BBX: variants seen among roughly 807,000 people sequenced by gnomAD.
BBX encodes the protein BBX high mobility group box domain containing, also known as HMG box transcription factor BBX.
A neutral mutation model predicts 100.2 loss-of-function variants in BBX; 30 were observed. The observed-to-expected ratio is 0.30, with a 90% CI of 0.22 to 0.41. The LOEUF (loss-of-function observed/expected upper bound fraction) is 0.41. Ranked by LOEUF, BBX falls within the 10% of genes least tolerant of loss-of-function variation. The pLI, the probability that BBX is intolerant of heterozygous loss-of-function variation, is 1.00. For synonymous variants in BBX, 376 were observed against 388.1 expected (o/e 0.97, Z 0.37); for missense variants, 1,023 against 1,129.8 (o/e 0.91, Z 1.35).
rs144831092 is a variant in BBX at position 107,773,380 on chromosome 3, A to G, written c.1659A>G (p.Pro553=). ...ACACCACCAAAGAGTCAAGACCTCCAGATTTCATTAGTATTTCTGCTAGCA... is the reference window on the plus strand; with the variant it reads ...ACACCACCAAAGAGTCAAGACCTCCGGATTTCATTAGTATTTCTGCTAGCA... ...SSDTTKESRP[P]DFISISASKN... is the part of the protein sequence containing the mutation. Residue 553 remains proline, a synonymous_variant, in exon 11 of 18, where the codon CCA becomes CCG. Coordinates refer to ENST00000325805, the MANE Select transcript of BBX (RefSeq NM_001142568.3). This position sits in a 1 kb window ranked among gnomAD's most constrained non-coding sequence, Gnocchi z 4.1. 1.2e-6 allele frequency: 2 copies of G among 1,614,042 alleles called. No homozygotes were observed. Among genetic ancestry groups the G allele is most frequent in the Non-Finnish European group, 1.7e-6 (2 of 1,180,010 alleles).
At position 107,728,772 on chromosome 3, in the gene BBX, A is replaced by G. The variant is rs1358166765; in HGVS notation, c.413A>G (p.Asp138Gly). 3.7e-6 allele frequency: 6 copies of G among 1,612,312 alleles called. No homozygotes were observed. The highest frequency in any genetic ancestry group is 5.1e-6 in the Non-Finnish European group (6 of 1,179,066). Reference sequence around the variant, plus strand: ...CTGTCGTTTTATTTATAGTATAAGGATGCATTTATGAAAGCAAATCCTGGC... The same window carrying G: ...CTGTCGTTTTATTTATAGTATAAGGGTGCATTTATGAAAGCAAATCCTGGC... ...KYTDMAKEYK[D>G]AFMKANPGYK... Residue 138 changes from aspartate to glycine, a missense_variant, in exon 6 of 18, where the codon GAT becomes GGT. Coordinates refer to ENST00000325805, the MANE Select transcript of BBX (RefSeq NM_001142568.3).
Position 107,716,640 on chromosome 3 carries a change from G to A in BBX, c.196G>A (p.Asp66Asn). ...QLLGADGLEQ[D>N]VGETEDDESP... ...TCTTGGGGCCGATGGCCTAGAGCAA[G>A]ATGTTGGTGAAACTGAAGATGATGA... Residue 66 changes from aspartate (D) to asparagine (N), a missense_variant, in exon 5 of 18, where the codon GAT becomes AAT. Transcript: ENST00000325805. 6.2e-7 allele frequency: 1 copy of A among 1,613,800 alleles called. No homozygotes were observed. Among genetic ancestry groups the A allele is most frequent in the Non-Finnish European group, 8.5e-7 (1 of 1,179,774 alleles).
chr3:107,641,296 G>T (rs1282762083), intron 2 of BBX, among the ~76,000 whole-genome samples: 1 of 152,024 alleles, frequency 6.6e-6, no homozygotes, highest in Non-Finnish European at 1.5e-5. Context: ...TGATGCCTGG[G>T]CTGGTTTTGA....
chr3:107,686,725 A>G (rs981167128), intron 3 of BBX, among the ~76,000 whole-genome samples: 2 of 152,176 alleles, frequency 1.3e-5, no homozygotes, highest in Admixed American at 1.3e-4. Context: ...GAGGAGGCCC[A>G]CAATTTAAAG....
intron 3 of BBX, among the ~76,000 whole-genome samples, chr3:107,689,032 A>G (rs2060002446): frequency 6.6e-6 from 1 of 152,206 alleles, no homozygotes; most frequent in South Asian, 2.1e-4. Context: ...GCAGACAACG[A>G]CAGGTTTTCC....
chr3:107,710,640 C>G lies in BBX; in HGVS notation c.162+18C>G. On this transcript the variant is annotated intron_variant, in intron 4 of 17. Coordinates refer to ENST00000325805, the MANE Select transcript of BBX (RefSeq NM_001142568.3). ...TTGATAAGGTAAGTCCTATATTTAC[C>G]ATAGAAGTTTCAAGTTTATTAGAGC... 6.4e-7 allele frequency: 1 copy of G among 1,567,050 alleles called. No individual in the cohort carries two copies. The highest frequency in any genetic ancestry group is 8.6e-7 in the Non-Finnish European group (1 of 1,156,666).
intron 2 of BBX, among the ~76,000 whole-genome samples, chr3:107,616,044 CTGT>C (rs1180720999): frequency 6.8e-3 from 177 of 25,922 alleles, no homozygotes; most frequent in Non-Finnish European, 0.011. Context: ...TTTTTTTTTG[CTGT>C]TGTTGTTGTT....
intron 2 of BBX, among the ~76,000 whole-genome samples, chr3:107,590,772 TA>T (rs929824762): frequency 2.5e-4 from 38 of 152,354 alleles, no homozygotes; most frequent in African/African-American, 4.1e-4. Flanking sequence ...TCCTCTCTCT[TA>T]CATCTTGGAG....
chr3:107,616,005 C>CTTTTTTTTTT (rs59614452), intron 2 of BBX, among the ~76,000 whole-genome samples: 7 of 19,244 alleles, frequency 3.6e-4, no homozygotes, highest in South Asian at 1.9e-3. Context: ...TACTCACCTG[C>CTTTTTTTTTT]TTTTTTTTTT....
chr3:107,542,848 C>T (rs977450504), intron 2 of BBX, among the ~76,000 whole-genome samples: 1 of 152,126 alleles, frequency 6.6e-6, no homozygotes, highest in South Asian at 2.1e-4. Context: ...CATACCACTC[C>T]ACAATGCATG....
At chr3:107,531,535 C>A (rs1026061568) in intron 2 of BBX, among the ~76,000 whole-genome samples, 3 of 152,004 alleles carry the variant, frequency 2.0e-5, no homozygotes, top group Non-Finnish European at 4.4e-5. Context: ...TCTCATCTCA[C>A]CCTACCCTCC....
chr3:107,571,701 C>T (rs1023001922), intron 2 of BBX, among the ~76,000 whole-genome samples: 4 of 152,306 alleles, frequency 2.6e-5, no homozygotes, highest in East Asian at 3.9e-4. Flanking sequence ...CCCAGGTCTT[C>T]GGCACCAAAT....
Position 107,773,535 on chromosome 3 carries a change from C to G in BBX, c.1814C>G (p.Thr605Ser). The G allele has an allele frequency of 6.2e-7, 1 of 1,614,066 alleles. No individual in the cohort carries two copies. ...EDSDCHRKIETCGSRKSERSC... is the reference protein window; with the variant it reads ...EDSDCHRKIESCGSRKSERSC... ...AGTGACTGTCACAGAAAAATAGAAACTTGTGGTTCCAGGAAATCCGAGAGG... is the reference window on the plus strand; with the variant it reads ...AGTGACTGTCACAGAAAAATAGAAAGTTGTGGTTCCAGGAAATCCGAGAGG... The change falls in exon 11 of 18, where the codon ACT becomes AGT. Residue 605 changes from threonine (T) to serine (S), a missense_variant. This residue lies in a region of BBX where 348 missense variants were observed against 353.2 expected (regional missense o/e 0.99). Transcript: ENST00000325805. The surrounding 1 kb of genome is among the most constrained non-coding windows in gnomAD (Gnocchi z 4.1).
chr3:107,573,454 C>T (rs1369814692), intron 2 of BBX, among the ~76,000 whole-genome samples: 1 of 152,000 alleles, frequency 6.6e-6, no homozygotes, highest in African/African-American at 2.4e-5. Context: ...GCTCGGGAGG[C>T]TGAGGCAGCA....
At chr3:107,623,072 A>T (rs1018886824) in intron 2 of BBX, among the ~76,000 whole-genome samples, 11 of 152,158 alleles carry the variant, frequency 7.2e-5, no homozygotes, top group African/African-American at 2.7e-4. Flanking sequence ...TTCATAAATA[A>T]CTTGAAGGAA....
At chr3:107,561,909 A>G (rs1208015148) in intron 2 of BBX, among the ~76,000 whole-genome samples, 1 of 152,112 alleles carries the variant, frequency 6.6e-6, no homozygotes, top group Non-Finnish European at 1.5e-5. Context: ...TTGTGCTTTC[A>G]TTAATTCTTT....
intron 14 of BBX, among the ~76,000 whole-genome samples, chr3:107,790,383 C>A (rs947062852): frequency 1.3e-5 from 2 of 152,216 alleles, no homozygotes; most frequent in East Asian, 1.9e-4. Flanking sequence ...TCTTCCACCC[C>A]CCCTCGTTTG....
intron 3 of BBX, among the ~76,000 whole-genome samples, chr3:107,687,230 A>G (rs1367863022): frequency 6.6e-6 from 1 of 152,156 alleles, no homozygotes; most frequent in Admixed American, 6.6e-5. Flanking sequence ...GCGTTAATTA[A>G]TAATGGAGGG....
rs907868131 is a variant in BBX, at chr3:107,716,397, T to C, written c.163-210T>C. 12 of 579,258 alleles carry C rather than the reference T, an allele frequency of 2.1e-5. No individual in the cohort carries two copies. The African/African-American group carries it at 2.2e-4, about 11-fold the overall frequency. The allele number at this position is 579,258 out of a possible 1,614,324, so 35.9% of individuals were successfully genotyped here. A position where few individuals can be genotyped will look rare whatever the true frequency, so the allele number is the denominator to read the frequency against. ...ATGCTGTAATAGAGACATGCACAGG[T>C]TGCTATAGAAACTAAGCAGAAGGAT... On this transcript the variant is annotated intron_variant, in intron 4 of 17. Coordinates refer to ENST00000325805, the MANE Select transcript of BBX (RefSeq NM_001142568.3).
Sources: gnomAD v4.1 joint callset for allele counts (sites outside exome capture counted in the v4.1 genomes callset) on GRCh38, gnomAD v4.1.1 for gene constraint, gnomAD v4.1.1 regional missense constraint, Gnocchi (gnomAD v3.1) non-coding constraint, MANE v1.5 for transcripts, NCBI Gene and HGNC (gene_info 2026-07-23, HGNC 2026-07-21) for gene names.